Variants in SLC71A2 observed in about 807,000 individuals in gnomAD.
SLC71A2 encodes the protein solute carrier family 71 member 2.
At chr9:94,375,076 A>G in the SLC71A2 span, 4 of 443,708 alleles carry the variant, frequency 9.0e-6, no homozygotes, top group Admixed American at 1.4e-4. Flanking sequence ...TTCATCACGA[A>G]TACAGGTTTT....
the SLC71A2 span, among the ~76,000 whole-genome samples, chr9:94,386,117 G>T: frequency 7.2e-5 from 11 of 152,100 alleles, no homozygotes; most frequent in African/African-American, 2.7e-4. Context: ...TCTTTATTTA[G>T]GTGAAATTTG....
the SLC71A2 span, among the ~76,000 whole-genome samples, chr9:94,389,451 T>TA: frequency 6.6e-6 from 1 of 151,258 alleles, no homozygotes; most frequent in Non-Finnish European, 1.5e-5. Context: ...TATATATATA[T>TA]TTTTTTCAGT....
At chr9:94,459,249 G>A in the SLC71A2 span, 1 of 1,614,148 alleles carries the variant, frequency 6.2e-7, no homozygotes, top group Non-Finnish European at 8.5e-7. Flanking sequence ...CCTGAATACA[G>A]TAAAGCCAGT....
chr9:94,431,576 A>T, the SLC71A2 span, among the ~76,000 whole-genome samples: 1 of 152,166 alleles, frequency 6.6e-6, no homozygotes, highest in East Asian at 1.9e-4. Context: ...AATGCCCAAC[A>T]GTAATTATGT....
the SLC71A2 span, among the ~76,000 whole-genome samples, chr9:94,452,045 CT>C: frequency 4.6e-5 from 7 of 152,178 alleles, no homozygotes; most frequent in Non-Finnish European, 1.0e-4. Flanking sequence ...TTTAGGAGAA[CT>C]TTGATACAAC....
chr9:94,451,857 A>C, the SLC71A2 span, among the ~76,000 whole-genome samples: 1 of 152,370 alleles, frequency 6.6e-6, no homozygotes, highest in Non-Finnish European at 1.5e-5. Flanking sequence ...CAGCCTGGTG[A>C]CTGGCATCCA....
chr9:94,396,081 A>T, the SLC71A2 span, among the ~76,000 whole-genome samples: 1 of 151,832 alleles, frequency 6.6e-6, no homozygotes, highest in Non-Finnish European at 1.5e-5. Context: ...AGCTATAGGG[A>T]TATGGCAGTG....
At chr9:94,449,096 G>A in the SLC71A2 span, among the ~76,000 whole-genome samples, 2 of 152,154 alleles carry the variant, frequency 1.3e-5, no homozygotes, top group South Asian at 4.1e-4. Flanking sequence ...AGATGAGACA[G>A]TCCAAGGAAG....
chr9:94,459,098 A>G, the SLC71A2 span: 1 of 1,532,170 alleles, frequency 6.5e-7, no homozygotes, highest in South Asian at 1.2e-5. Flanking sequence ...GTAATCTAGG[A>G]ATAATTTTGA....
At chr9:94,447,403 C>G in the SLC71A2 span, among the ~76,000 whole-genome samples, 1 of 151,626 alleles carries the variant, frequency 6.6e-6, no homozygotes, top group Non-Finnish European at 1.5e-5. Flanking sequence ...TGGTCTCGAA[C>G]TCCTGACCTC....
chr9:94,436,567 T>C, the SLC71A2 span, among the ~76,000 whole-genome samples: 1 of 152,176 alleles, frequency 6.6e-6, no homozygotes. Context: ...CTCTCTTCTT[T>C]CATTTGCCTA....
the SLC71A2 span, chr9:94,445,106 C>G: frequency 6.2e-7 from 1 of 1,614,090 alleles, no homozygotes; most frequent in African/African-American, 1.3e-5. Flanking sequence ...GTGGCTGTTC[C>G]AGAATCTCTG....
At chr9:94,406,066 A>ATTTTTTTTTTTTTTTT in the SLC71A2 span, among the ~76,000 whole-genome samples, 2 of 63,598 alleles carry the variant, frequency 3.1e-5, no homozygotes, top group African/African-American at 7.5e-5. Context: ...TGCAACTTGA[A>ATTTTTTTTTTTTTTTT]TTTTTTTTTT....
At chr9:94,445,140 C>T in the SLC71A2 span, 1 of 1,614,026 alleles carries the variant, frequency 6.2e-7, no homozygotes, top group South Asian at 1.1e-5. Flanking sequence ...GACCGGTTTC[C>T]TGGGGAGCTC....
At chr9:94,415,871 T>G in the SLC71A2 span, among the ~76,000 whole-genome samples, 3 of 152,202 alleles carry the variant, frequency 2.0e-5, no homozygotes, top group Admixed American at 2.0e-4. Flanking sequence ...TACAGGAAAT[T>G]GCAGAGCATT....
chr9:94,399,951 G>A, the SLC71A2 span, among the ~76,000 whole-genome samples: 6 of 152,078 alleles, frequency 3.9e-5, no homozygotes, highest in Admixed American at 6.6e-5. Flanking sequence ...GATTACAGGC[G>A]TGTGCCACCA....
At chr9:94,449,542 A>T in the SLC71A2 span, among the ~76,000 whole-genome samples, 2 of 152,230 alleles carry the variant, frequency 1.3e-5, no homozygotes, top group East Asian at 3.8e-4. Context: ...ACAATGAGAT[A>T]ACCATTTCAC....
chr9:94,451,623 C>A, the SLC71A2 span: 1 of 598,194 alleles, frequency 1.7e-6, no homozygotes, highest in South Asian at 2.8e-5. Flanking sequence ...GGAAGATATT[C>A]CCTGAGCTGC....
the SLC71A2 span, among the ~76,000 whole-genome samples, chr9:94,416,534 A>G: frequency 1.3e-5 from 2 of 152,180 alleles, no homozygotes; most frequent in South Asian, 4.1e-4. Flanking sequence ...AACCTTTTAA[A>G]GTTTTTAATT....
Sources: gnomAD v4.1 joint callset for allele counts (sites outside exome capture counted in the v4.1 genomes callset) on GRCh38, gnomAD v4.1.1 for gene constraint, MANE v1.5 for transcripts, NCBI Gene and HGNC (gene_info 2026-07-23, HGNC 2026-07-21) for gene names.